Variants in MFSD11 observed in about 807,000 individuals in gnomAD.
The protein encoded by MFSD11 is major facilitator superfamily domain containing 11.
A neutral mutation model predicts 53.5 loss-of-function variants in MFSD11; 36 were observed. The observed-to-expected ratio is 0.67, with a 90% CI of 0.52 to 0.89. The LOEUF (loss-of-function observed/expected upper bound fraction) is 0.89. MFSD11 is among the 40% of genes least tolerant of loss of function. The probability of loss-of-function intolerance (pLI) is 0.00; values close to 1 mark genes in which losing one functional copy is unlikely to be tolerated. For missense variants in MFSD11, 530 were observed against 543.9 expected (o/e 0.97, Z 0.25); for synonymous variants, 186 against 184.9 (o/e 1.01, Z -0.05).
At chr17:76,742,729 C>T (rs2078211199) in intron 5 of MFSD11, among the ~76,000 whole-genome samples, 1 of 152,154 alleles carries the variant, frequency 6.6e-6, no homozygotes, top group Non-Finnish European at 1.5e-5. Context: ...TGGTCTCGAA[C>T]TCCTGACCTT....
At chr17:76,761,997 C>G (rs561686309) in intron 8 of MFSD11, among the ~76,000 whole-genome samples, 2 of 151,894 alleles carry the variant, frequency 1.3e-5, no homozygotes, top group African/African-American at 4.8e-5. Context: ...AAAGTCAGTA[C>G]AATTTATTAT....
At chr17:76,761,616 T>A (rs900423423) in intron 8 of MFSD11, among the ~76,000 whole-genome samples, 6 of 152,090 alleles carry the variant, frequency 3.9e-5, no homozygotes, top group African/African-American at 1.2e-4. Flanking sequence ...TCTGCCTTTT[T>A]AAATTGAGAT....
chr17:76,757,131 T>C (rs1372081213), intron 8 of MFSD11, among the ~76,000 whole-genome samples: 1 of 152,068 alleles, frequency 6.6e-6, no homozygotes, highest in Non-Finnish European at 1.5e-5. Context: ...CCATCATAGA[T>C]CCCCCTCTGG....
intron 7 of MFSD11, among the ~76,000 whole-genome samples, chr17:76,750,920 C>T (rs1004163784): frequency 6.6e-5 from 10 of 151,250 alleles, no homozygotes; most frequent in Admixed American, 6.6e-5. Context: ...TCTGCTGCCT[C>T]GGCCTCCCAA....
chr17:76,736,648 C>G (rs2077502933), upstream of MFSD11: 3 of 1,184,248 alleles, frequency 2.5e-6, no homozygotes, highest in Non-Finnish European at 3.3e-6. Context: ...ACGGCGGAAG[C>G]TCGCGGGGTG....
rs1038101527 is a variant in MFSD11, at chr17:76,778,560, C to T, written c.*208C>T. The T allele has an allele frequency of 8.0e-6, 4 of 501,474 alleles. No homozygotes were observed. Among genetic ancestry groups the T allele is most frequent in the African/African-American group, 3.8e-5 (2 of 52,632 alleles). 31.1% of individuals were successfully genotyped at this position (501,474 alleles called of 1,614,324 possible). Reference sequence around the variant, plus strand: ...GCAAGTAGAATAAGGGAAAGCTGTTCTGTCAACTGTAATTGTTCAAAGATG... The same window carrying T: ...GCAAGTAGAATAAGGGAAAGCTGTTTTGTCAACTGTAATTGTTCAAAGATG... On this transcript the variant is annotated 3_prime_UTR_variant, in exon 13 of 13. Transcript: ENST00000685175.
chr17:76,780,471 G>A (rs949817885), downstream of MFSD11, among the ~76,000 whole-genome samples: 14 of 150,838 alleles, frequency 9.3e-5, no homozygotes, highest in African/African-American at 3.4e-4. Context: ...CCGTGCCTAG[G>A]AAGAGCTCAC....
chr17:76,788,637 G>A, the MFSD11 span, among the ~76,000 whole-genome samples: 1 of 149,226 alleles, frequency 6.7e-6, no homozygotes, highest in Admixed American at 6.7e-5. Context: ...GGATCATGAG[G>A]TCAGGAGTTC....
Position 76,743,431 on chromosome 17 carries a change from C to T in MFSD11, c.471C>T (p.Ala157=). 1.9e-6 allele frequency: 3 copies of T among 1,582,934 alleles called. No homozygotes were observed. Among genetic ancestry groups the T allele is most frequent in the Non-Finnish European group, 2.6e-6 (3 of 1,167,012 alleles). ...TTGGAAATCTCTACATATATTTTGC[C>T]TGGCAAGGGAAAACTCAGATATCAG... ...LFFGNLYIYF[A]WQGKTQISES... Residue 157 remains alanine (A), a synonymous_variant, in exon 6 of 13, where the codon GCC becomes GCT. Coordinates refer to ENST00000685175, the MANE Select transcript of MFSD11 (RefSeq NM_001242532.5).
the MFSD11 span, chr17:76,799,088 G>A: frequency 1.3e-5 from 2 of 150,098 alleles, no homozygotes; most frequent in African/African-American, 2.4e-5. Flanking sequence ...ATAAGATGTA[G>A]ACACAGAAGG....
chr17:76,761,976 G>T (rs769587527), intron 8 of MFSD11, among the ~76,000 whole-genome samples: 1 of 150,944 alleles, frequency 6.6e-6, no homozygotes, highest in Non-Finnish European at 1.5e-5. Flanking sequence ...TCAATCTAAA[G>T]AATCCATTGC....
At chr17:76,796,951 C>T in the MFSD11 span, among the ~76,000 whole-genome samples, 1 of 151,844 alleles carries the variant, frequency 6.6e-6, no homozygotes, top group Admixed American at 6.6e-5. Context: ...AGGCAGATCA[C>T]GAGGTCAGGA....
At chr17:76,753,459 G>A (rs1031925887) in intron 7 of MFSD11, among the ~76,000 whole-genome samples, 3 of 152,108 alleles carry the variant, frequency 2.0e-5, no homozygotes, top group Admixed American at 6.6e-5. Context: ...GATCACTTGA[G>A]CTCAGAAGTT....
At position 76,769,603 on chromosome 17, in the gene MFSD11, T is replaced by C. The variant is rs906204004; in HGVS notation, c.749-143T>C. 1.0e-5 allele frequency: 6 copies of C among 581,674 alleles called. No individual in the cohort carries two copies. The African/African-American group carries it at 1.2e-4, about 11-fold the overall frequency. 36.0% of individuals were successfully genotyped at this position (581,674 alleles called of 1,614,324 possible). A position where few individuals can be genotyped will look rare whatever the true frequency, so the allele number is the denominator to read the frequency against. Reference sequence around the variant, plus strand: ...TTTCATCAGTTACATCACATTATGCTCTGCTTGGGGATTAATATTTCAGTC... The same window carrying C: ...TTTCATCAGTTACATCACATTATGCCCTGCTTGGGGATTAATATTTCAGTC... On this transcript the variant is annotated intron_variant, in intron 9 of 12. Transcript: ENST00000685175.
intron 10 of MFSD11, among the ~76,000 whole-genome samples, chr17:76,773,617 T>TC (rs1424092836): frequency 6.6e-6 from 1 of 151,242 alleles, no homozygotes; most frequent in African/African-American, 2.4e-5. Context: ...ACTTTTTAAA[T>TC]TTTTTTTTTC....
Position 76,778,372 on chromosome 17 carries a change from C to A in MFSD11, c.*20C>A. ...ATCTGATCTGGTGTCCGTGAGGGGACACGTATGACCTCAGAAACACAGCTG... is the reference window on the plus strand; with the variant it reads ...ATCTGATCTGGTGTCCGTGAGGGGAAACGTATGACCTCAGAAACACAGCTG... On this transcript the variant is annotated 3_prime_UTR_variant, in exon 13 of 13. Coordinates refer to ENST00000685175, the MANE Select transcript of MFSD11 (RefSeq NM_001242532.5). 1 of 1,612,612 alleles carries A rather than the reference C, an allele frequency of 6.2e-7. No individual in the cohort carries two copies. The highest frequency in any genetic ancestry group is 8.5e-7 in the Non-Finnish European group (1 of 1,178,878).
chr17:76,765,290 A>G (rs967044332), intron 8 of MFSD11, among the ~76,000 whole-genome samples: 5 of 152,056 alleles, frequency 3.3e-5, no homozygotes, highest in Admixed American at 2.0e-4. Flanking sequence ...TCAAAAATCA[A>G]TTGACTGTAG....
At chr17:76,796,548 C>T in the MFSD11 span, among the ~76,000 whole-genome samples, 1 of 152,130 alleles carries the variant, frequency 6.6e-6, no homozygotes. Flanking sequence ...CAATTCAGTT[C>T]AATCCTGACA....
intron 8 of MFSD11, 63 bp downstream of exon 8, chr17:76,754,150 C>G: frequency 7.2e-7 from 1 of 1,386,872 alleles, no homozygotes; most frequent in Non-Finnish European, 1.0e-6. Flanking sequence ...TTTGCCTTTC[C>G]CCTATTCCCT....
Sources: allele counts gnomAD v4.1 joint callset (sites outside exome capture counted in the v4.1 genomes callset), GRCh38; gene constraint gnomAD v4.1.1; transcripts MANE v1.5; gene names NCBI Gene and HGNC (gene_info 2026-07-23, HGNC 2026-07-21).